Variants in KIAA0319L observed in about 807,000 individuals in gnomAD.
The protein encoded by KIAA0319L is dyslexia-associated protein KIAA0319-like protein.
KIAA0319L carries 55 observed loss-of-function variants against 120.1 expected under a neutral mutation model. That is an observed-to-expected ratio of 0.46 (90% CI 0.37 to 0.57). The LOEUF is 0.57. Among genes scored for constraint, KIAA0319L ranks in the 20% least tolerant of loss-of-function variants. The pLI, the probability that KIAA0319L is intolerant of heterozygous loss-of-function variation, is 0.00. For synonymous variants in KIAA0319L, 398 were observed against 471.9 expected, an observed-to-expected ratio of 0.84 and a Z score of 2.03; for missense variants, 1,049 against 1,255.3, an observed-to-expected ratio of 0.84 and a Z score of 2.48.
At chr1:35,443,728 G>C (rs1282678134) in intron 17 of KIAA0319L, among the ~76,000 whole-genome samples, 1 of 151,872 alleles carries the variant, frequency 6.6e-6, no homozygotes, top group Non-Finnish European at 1.5e-5. Context: ...ACAAGAGCTA[G>C]AAGTGGGTTT....
chr1:35,501,381 T>C (rs1558499987), intron 3 of KIAA0319L, among the ~76,000 whole-genome samples: 1 of 152,160 alleles, frequency 6.6e-6, no homozygotes, highest in African/African-American at 2.4e-5. Flanking sequence ...TGCTTCCCAA[T>C]GTCCTCTGCA....
chr1:35,458,774 T>C (rs1642676591), intron 9 of KIAA0319L, among the ~76,000 whole-genome samples: 1 of 152,206 alleles, frequency 6.6e-6, no homozygotes, highest in Non-Finnish European at 1.5e-5. Flanking sequence ...ATTGTTACTA[T>C]GTTTTAAAAG....
At chr1:35,448,672 C>A (rs1641822537) in intron 15 of KIAA0319L, among the ~76,000 whole-genome samples, 1 of 152,166 alleles carries the variant, frequency 6.6e-6, no homozygotes, top group Non-Finnish European at 1.5e-5. Flanking sequence ...ACTGGCAGTG[C>A]TGAGCAATCC....
At chr1:35,472,339 T>G (rs1230980602) in intron 5 of KIAA0319L, among the ~76,000 whole-genome samples, 1 of 152,230 alleles carries the variant, frequency 6.6e-6, no homozygotes, top group Non-Finnish European at 1.5e-5. Flanking sequence ...TTGCCCAGGC[T>G]GGAGTGCAGT....
In KIAA0319L at chr1:35,450,384, G is replaced by A. The variant is rs754957502; in HGVS notation, c.2188C>T (p.Arg730Ter). The A allele has an allele frequency of 3.1e-6, 5 of 1,613,754 alleles. No homozygotes were observed. Among genetic ancestry groups the A allele is most frequent in the East Asian group, 2.2e-5 (1 of 44,894 alleles). The change falls in exon 14 of 21, where the codon CGA becomes TGA. Residue 730 changes from arginine to a stop codon, truncating the protein, a stop_gained. Transcript: ENST00000325722. LOFTEE classifies it high-confidence loss of function. ...CCTGCTGCTGGGCTCCCCTCATCTC[G>A]AGTCCAGAGGTAGCTGACTATTCCC... ...DKGIVSYLWTRDEGSPAAGEV... is the reference protein window; with the variant it reads ...DKGIVSYLWT
chr1:35,489,245 T>C (rs764181423), intron 3 of KIAA0319L, among the ~76,000 whole-genome samples: 2 of 152,126 alleles, frequency 1.3e-5, no homozygotes, highest in African/African-American at 4.8e-5. Flanking sequence ...TGGTGGACTT[T>C]CTGTTCCAGT....
chr1:35,539,158 C>T (rs1488531379), intron 2 of KIAA0319L, among the ~76,000 whole-genome samples: 1 of 152,190 alleles, frequency 6.6e-6, no homozygotes, highest in African/African-American at 2.4e-5. Context: ...TCCACCACTT[C>T]CTCTCCACTG....
chr1:35,479,968 A>AC (rs1486894918), intron 3 of KIAA0319L, among the ~76,000 whole-genome samples: 1 of 145,200 alleles, frequency 6.9e-6, no homozygotes, highest in Non-Finnish European at 1.5e-5. Context: ...AAAAAAAAAA[A>AC]AAAACACAAG....
At chr1:35,526,390 T>TAC (rs965319630) in intron 2 of KIAA0319L, among the ~76,000 whole-genome samples, 31 of 79,092 alleles carry the variant, frequency 3.9e-4, no homozygotes, top group African/African-American at 3.2e-3. Context: ...TATACATACA[T>TAC]ATATATATAT....
chr1:35,474,168 G>A (rs764370817), intron 5 of KIAA0319L, among the ~76,000 whole-genome samples: 6 of 152,128 alleles, frequency 3.9e-5, no homozygotes, highest in Non-Finnish European at 8.8e-5. Context: ...TATAACCCGG[G>A]TATGCACAAA....
Position 35,444,174 on chromosome 1 carries a change from T to C in KIAA0319L, c.2643A>G (p.Glu881=), listed in dbSNP as rs377042074. 1.7e-5 allele frequency: 27 copies of C among 1,601,270 alleles called. No homozygotes were observed. Among genetic ancestry groups the C allele is most frequent in the Non-Finnish European group, 2.0e-5 (24 of 1,174,904 alleles). ...KADFLIFRAL[E]VNTVTCQLNC... is the part of the protein sequence containing the mutation. ...AGAATTACTCACTGACAGTGTTGACTTCCAAGGCTCTGAATATCAAAAAGT... is the reference window on the plus strand; with the variant it reads ...AGAATTACTCACTGACAGTGTTGACCTCCAAGGCTCTGAATATCAAAAAGT... The change falls in exon 17 of 21, where the codon GAA becomes GAG. Residue 881 remains glutamate, a synonymous_variant. Transcript: ENST00000325722.
intron 5 of KIAA0319L, among the ~76,000 whole-genome samples, chr1:35,471,979 A>G (rs1408729703): frequency 1.8e-4 from 28 of 152,268 alleles, no homozygotes; most frequent in Non-Finnish European, 2.9e-5. Context: ...AAACGTATAT[A>G]GTATGTAGTA....
intron 2 of KIAA0319L, 131 bp from the exon 3 acceptor site, chr1:35,507,266 G>C (rs1645241293): frequency 4.9e-6 from 4 of 816,402 alleles, no homozygotes; most frequent in Non-Finnish European, 7.5e-6. Flanking sequence ...AAGCCATCTA[G>C]TGAGTGGAAC....
intron 2 of KIAA0319L, among the ~76,000 whole-genome samples, chr1:35,521,720 C>T (rs562243904): frequency 2.4e-4 from 36 of 151,860 alleles, no homozygotes; most frequent in Admixed American, 2.3e-3. Flanking sequence ...CGCCTGTAAT[C>T]CCAGCACTTT....
Position 35,456,234 on chromosome 1 carries a change from C to A in KIAA0319L, c.1435G>T (p.Val479Leu). 6.3e-7 allele frequency: 1 copy of A among 1,576,706 alleles called. No homozygotes were observed. Residue 479 changes from valine (V) to leucine (L), a missense_variant, in exon 10 of 21, where the codon GTA becomes TTA. Coordinates refer to ENST00000325722, the MANE Select transcript of KIAA0319L (RefSeq NM_024874.5). ...TTGGTAGCTCCATCAGAGTCTACTA[C>A]AGTCAAGCTATCAGGGCAGAGAGAG... ...VPGNYTFSLT[V>L]VDSDGATNST...
intron 8 of KIAA0319L, 117 bp downstream of exon 8, chr1:35,462,504 A>T: frequency 1.3e-6 from 1 of 775,496 alleles, no homozygotes; most frequent in South Asian, 1.8e-5. Context: ...AACATGGTCA[A>T]GATGACTGGC....
In KIAA0319L at chr1:35,442,972, T is replaced by G. The variant is rs755645264; in HGVS notation, c.2713A>C (p.Ile905Leu). 6.2e-7 allele frequency: 1 copy of G among 1,614,182 alleles called. No individual in the cohort carries two copies. Among genetic ancestry groups the G allele is most frequent in the Non-Finnish European group, 8.5e-7 (1 of 1,180,028 alleles). Residue 905 changes from isoleucine to leucine, a missense_variant, in exon 18 of 21, where the codon ATC becomes CTC. Physicochemically the swap from Ile to Leu is conservative, Grantham distance 5. Transcript: ENST00000325722. ...TTCTCCATCCAAAAAGGGTCACAGATACAGCGTTTGGTGAACGAGTCACAG... is the reference window on the plus strand; with the variant it reads ...TTCTCCATCCAAAAAGGGTCACAGAGACAGCGTTTGGTGAACGAGTCACAG... ...GHCDSFTKRC[I>L]CDPFWMENFI...
intron 3 of KIAA0319L, among the ~76,000 whole-genome samples, chr1:35,495,288 G>C (rs1282023892): frequency 6.6e-6 from 1 of 152,098 alleles, no homozygotes; most frequent in African/African-American, 2.4e-5. Context: ...CAGAAAAATC[G>C]CTTGAACCTG....
At position 35,448,282 on chromosome 1, in the gene KIAA0319L, G is replaced by C; in HGVS notation, c.2404C>G (p.Gln802Glu). ...ATCCCCTTCAGCCTCTCAGTTAGCT[G>C]ACTGACGTTGATATCCAAGATGATC... ...VEIILDINVS[Q>E]LTERLKGMFI... Residue 802 changes from glutamine (Q) to glutamate (E), a missense_variant, in exon 16 of 21, where the codon CAG (glutamine) becomes GAG (glutamate). Gln to Glu is a conservative substitution (Grantham distance 29). Transcript: ENST00000325722. 1.2e-6 allele frequency: 2 copies of C among 1,614,048 alleles called. No homozygotes were observed. The highest frequency in any genetic ancestry group is 8.5e-7 in the Non-Finnish European group (1 of 1,179,966).
Sources: gnomAD v4.1 joint callset for allele counts (sites outside exome capture counted in the v4.1 genomes callset) on GRCh38, gnomAD v4.1.1 for gene constraint, MANE v1.5 for transcripts, NCBI Gene and HGNC (gene_info 2026-07-23, HGNC 2026-07-21) for gene names.